CACNA1C: variants seen among roughly 807,000 people sequenced by gnomAD.
CACNA1C encodes voltage-dependent L-type calcium channel subunit alpha-1C.
A neutral mutation model predicts 229.0 loss-of-function variants in CACNA1C; 30 were observed. The observed-to-expected ratio is 0.13, with a 90% CI of 0.10 to 0.18. The LOEUF (loss-of-function observed/expected upper bound fraction) is 0.18, where lower values mean the gene tolerates loss of function less well. Ranked by LOEUF, CACNA1C falls within the 10% of genes least tolerant of loss-of-function variation. The pLI is 1.00. For missense variants in CACNA1C, 1,658 were observed against 2,845.0 expected (o/e 0.58, Z 9.49); for synonymous variants, 1,114 against 1,132.5 (o/e 0.98, Z 0.33).
chr12:2,413,872 C>A (rs2098835732), intron 3 of CACNA1C, among the ~76,000 whole-genome samples: 1 of 152,216 alleles, frequency 6.6e-6, no homozygotes, highest in Admixed American at 6.5e-5. Context: ...CCTTCCTCTT[C>A]CCCAGGCACT....
chr12:2,329,958 G>C (rs988242982), intron 3 of CACNA1C, among the ~76,000 whole-genome samples: 3 of 152,230 alleles, frequency 2.0e-5, no homozygotes, highest in Admixed American at 6.5e-5. Context: ...AATAACGTTA[G>C]TTGGTTTACA....
At chr12:1,974,429 G>A (rs371150337) in intron 1 of CACNA1C, among the ~76,000 whole-genome samples, 1 of 152,078 alleles carries the variant, frequency 6.6e-6, no homozygotes, top group African/African-American at 2.4e-5. Flanking sequence ...ATGAGCTCCC[G>A]AAGACTGTAT....
chr12:2,128,107 G>A (rs943175781), intron 3 of CACNA1C, among the ~76,000 whole-genome samples: 1 of 152,152 alleles, frequency 6.6e-6, no homozygotes, highest in African/African-American at 2.4e-5. Context: ...TGGATCCTGT[G>A]AAGTGTTATC....
intron 3 of CACNA1C, among the ~76,000 whole-genome samples, chr12:2,146,062 A>G (rs1184294626): frequency 2.6e-5 from 4 of 151,138 alleles, no homozygotes; most frequent in Non-Finnish European, 5.9e-5. Flanking sequence ...AATGGAAGTT[A>G]TTGTTATTTT....
chr12:2,172,908 G>A (rs1400279089), intron 3 of CACNA1C, among the ~76,000 whole-genome samples: 1 of 152,234 alleles, frequency 6.6e-6, no homozygotes, highest in Non-Finnish European at 1.5e-5. Flanking sequence ...GGGACCAGAA[G>A]TGGCAGTGGA....
chr12:2,387,018 A>G (rs952928266), intron 3 of CACNA1C, among the ~76,000 whole-genome samples: 4 of 152,200 alleles, frequency 2.6e-5, no homozygotes, highest in African/African-American at 9.7e-5. Flanking sequence ...TCTTTTAACA[A>G]TAAGACTTTT....
chr12:2,611,788 T>G, intron 28 of CACNA1C, 115 bp from the exon 29 acceptor site: 1 of 641,956 alleles, frequency 1.6e-6, no homozygotes, highest in Non-Finnish European at 2.8e-6. Flanking sequence ...TCTGGGGGTT[T>G]GGTTCAAGGA....
At chr12:2,568,137 T>C (rs1253665620) in intron 13 of CACNA1C, among the ~76,000 whole-genome samples, 1 of 152,174 alleles carries the variant, frequency 6.6e-6, no homozygotes, top group Non-Finnish European at 1.5e-5. Context: ...GTGCTGATTC[T>C]TCTCCAGGGT....
chr12:2,669,175 G>A (rs946986263), intron 38 of CACNA1C, 140 bp downstream of exon 38: 27 of 680,414 alleles, frequency 4.0e-5, no homozygotes, highest in African/African-American at 8.8e-5. Flanking sequence ...GGTAACGTGC[G>A]CTCCAGGACA....
intron 12 of CACNA1C, 89 bp from the exon 13 acceptor site, chr12:2,567,480 T>C: frequency 2.5e-6 from 2 of 785,120 alleles, no homozygotes; most frequent in Admixed American, 2.5e-5. Flanking sequence ...TTTTTTCCAA[T>C]GGAGATAATT....
At chr12:1,992,380 C>T (rs913509035) in intron 1 of CACNA1C, 2 of 153,790 alleles carry the variant, frequency 1.3e-5, no homozygotes, top group Non-Finnish European at 2.9e-5. Context: ...ATTAAAATTA[C>T]ACTGAATAGT....
At position 2,053,019 on chromosome 12, in the gene CACNA1C, C is replaced by T. The variant is rs1009825769; in HGVS notation, c.-544C>T. The T allele has an allele frequency of 6.3e-5, 62 of 984,268 alleles. No homozygotes were observed. Among genetic ancestry groups the T allele is most frequent in the South Asian group, 3.8e-4 (8 of 21,280 alleles). The allele number at this position is 984,268 out of a possible 1,614,324, so 61.0% of individuals were successfully genotyped here. A position where few individuals can be genotyped will look rare whatever the true frequency, so the allele number is the denominator to read the frequency against. On this transcript the variant is annotated 5_prime_UTR_variant, in exon 1 of 47. Coordinates refer to ENST00000399655, the MANE Select transcript of CACNA1C (RefSeq NM_000719.7). The surrounding 1 kb of genome is among the most constrained non-coding windows in gnomAD (Gnocchi z 5.8). Reference sequence around the variant, plus strand: ...TCTCGCTGCCTCTGCAGAAACAGCTCCTGCCAGAGCGGCGCTCGGCGCGGC... The same window carrying T: ...TCTCGCTGCCTCTGCAGAAACAGCTTCTGCCAGAGCGGCGCTCGGCGCGGC...
At chr12:2,050,982 A>G (rs1379188153), upstream of CACNA1C, among the ~76,000 whole-genome samples, 1 of 152,180 alleles carries the variant, frequency 6.6e-6, no homozygotes, top group Non-Finnish European at 1.5e-5. Flanking sequence ...TAGATGAGAC[A>G]CCTGCCTTCA....
intron 3 of CACNA1C, among the ~76,000 whole-genome samples, chr12:2,411,942 T>C (rs2098812023): frequency 6.6e-6 from 1 of 152,226 alleles, no homozygotes; most frequent in South Asian, 2.1e-4. Context: ...AGCCTCTCCC[T>C]CCTGGCTGTC....
chr12:2,318,684 A>C (rs1225869756), intron 3 of CACNA1C, among the ~76,000 whole-genome samples: 1 of 152,188 alleles, frequency 6.6e-6, no homozygotes, highest in Non-Finnish European at 1.5e-5. Context: ...GGCAGGCGCC[A>C]CACGGCACCT....
chr12:2,018,673 T>C (rs537998271), intron 1 of CACNA1C, among the ~76,000 whole-genome samples: 21 of 152,346 alleles, frequency 1.4e-4, no homozygotes, highest in African/African-American at 4.8e-4. Context: ...TCTGTCTTAA[T>C]AAGCACAACT....
chr12:2,677,607 G>T lies in CACNA1C; in HGVS notation c.4957-126G>T. ...TTCACACACACACAAACCTTCCGGA[G>T]GGTCGACTGGCTGGGTGGAGGATGC... On this transcript the variant is annotated intron_variant, in intron 40 of 46. Transcript: ENST00000399655. The surrounding 1 kb of genome is among the most constrained non-coding windows in gnomAD (Gnocchi z 7.4). The T allele has an allele frequency of 9.2e-7, 1 of 1,087,836 alleles. No individual in the cohort carries two copies. The highest frequency in any genetic ancestry group is 1.5e-5 in the South Asian group (1 of 66,184). 67.4% of individuals were successfully genotyped at this position (1,087,836 alleles called of 1,614,324 possible). A position where few individuals can be genotyped will look rare whatever the true frequency, so the allele number is the denominator to read the frequency against.
intron 3 of CACNA1C, among the ~76,000 whole-genome samples, chr12:2,139,508 G>A (rs995922920): frequency 2.0e-5 from 3 of 151,254 alleles, no homozygotes; most frequent in Admixed American, 6.7e-5. Context: ...GGGGCCTTGC[G>A]CATGTCTGTG....
intron 29 of CACNA1C, 146 bp downstream of exon 29, chr12:2,612,159 C>A: frequency 6.4e-6 from 4 of 623,684 alleles, no homozygotes; most frequent in South Asian, 3.8e-5. Context: ...GTCAGTGCCC[C>A]AACTCCTACA....
Sources: allele counts gnomAD v4.1 joint callset (sites outside exome capture counted in the v4.1 genomes callset), GRCh38; gene constraint gnomAD v4.1.1; non-coding constraint Gnocchi (gnomAD v3.1); transcripts MANE v1.5; gene names NCBI Gene and HGNC (gene_info 2026-07-23, HGNC 2026-07-21).